PGAP1: variants seen among roughly 807,000 people sequenced by gnomAD.
PGAP1 encodes post-GPI attachment to proteins inositol deacylase 1, also known as GPI inositol-deacylase.
A neutral mutation model predicts 127.0 loss-of-function variants in PGAP1; 76 were observed. The observed-to-expected ratio is 0.60, with a 90% confidence interval of 0.50 to 0.72. PGAP1 has a LOEUF of 0.72. PGAP1 is among the 30% of genes least tolerant of loss of function. The pLI is 0.00. For synonymous variants in PGAP1, 362 were observed against 366.5 expected, an observed-to-expected ratio of 0.99 and a Z score of 0.14; for missense variants, 982 against 1,071.3, an observed-to-expected ratio of 0.92 and a Z score of 1.16.
At chr2:196,904,428 G>A (rs1702617125) in intron 4 of PGAP1, among the ~76,000 whole-genome samples, 1 of 152,102 alleles carries the variant, frequency 6.6e-6, no homozygotes, top group African/African-American at 2.4e-5. Context: ...GCAGGCTTAG[G>A]GCACATAGAC....
chr2:196,898,747 G>C (rs913877506), intron 5 of PGAP1, among the ~76,000 whole-genome samples: 1 of 152,076 alleles, frequency 6.6e-6, no homozygotes, highest in African/African-American at 2.4e-5. Flanking sequence ...AGACATTTTA[G>C]TAATTTAAAT....
chr2:196,891,020 CTTG>C (rs1702083271), intron 9 of PGAP1, 109 bp from the exon 10 acceptor site: 6 of 607,776 alleles, frequency 9.9e-6, no homozygotes, highest in Middle Eastern at 4.5e-4. Flanking sequence ...TATCATTCTT[CTTG>C]TTGTTGAGAA....
At position 196,837,638 on chromosome 2, in the gene PGAP1, A is replaced by C. The variant is rs1365991090; in HGVS notation, c.*3596T>G. Reference sequence around the variant, plus strand: ...GAGACTCTGTTTCTAAAGAAAAAACATATAGGAACTAAATAATGAACAAAA... The same window carrying C: ...GAGACTCTGTTTCTAAAGAAAAAACCTATAGGAACTAAATAATGAACAAAA... On this transcript the variant is annotated 3_prime_UTR_variant, in exon 27 of 27. Coordinates refer to ENST00000354764, the MANE Select transcript of PGAP1 (RefSeq NM_024989.4). 6.6e-6 allele frequency: 1 copy of C among 152,192 alleles called. No homozygotes were observed. Among genetic ancestry groups the C allele is most frequent in the African/African-American group, 2.4e-5 (1 of 41,450 alleles). 9.4% of individuals were successfully genotyped at this position (152,192 alleles called of 1,614,324 possible).
chr2:196,894,981 A>G (rs1702226981), intron 7 of PGAP1, among the ~76,000 whole-genome samples: 1 of 152,056 alleles, frequency 6.6e-6, no homozygotes, highest in Admixed American at 6.5e-5. Context: ...TATTCTTTGC[A>G]TTTTAGTTTC....
intron 4 of PGAP1, among the ~76,000 whole-genome samples, chr2:196,903,156 A>C (rs1702554293): frequency 6.6e-6 from 1 of 152,114 alleles, no homozygotes; most frequent in African/African-American, 2.4e-5. Flanking sequence ...TTCATGGTAT[A>C]TGCACATGTT....
intron 10 of PGAP1, among the ~76,000 whole-genome samples, chr2:196,889,325 C>T (rs1702021575): frequency 6.6e-6 from 1 of 152,114 alleles, no homozygotes; most frequent in Admixed American, 6.5e-5. Flanking sequence ...CTGGTAATTT[C>T]ACTAAAATAT....
At chr2:196,846,098 C>A in intron 22 of PGAP1, 81 bp from the exon 23 acceptor site, 1 of 785,502 alleles carries the variant, frequency 1.3e-6, no homozygotes. Context: ...CAATATAGTA[C>A]CCTCCCAGTC....
At chr2:196,890,472 T>A (rs1293698384) in intron 10 of PGAP1, among the ~76,000 whole-genome samples, 1 of 152,170 alleles carries the variant, frequency 6.6e-6, no homozygotes, top group Non-Finnish European at 1.5e-5. Flanking sequence ...ATTCCCTTTA[T>A]AAAATTCCTA....
At chr2:196,922,020 G>T in intron 1 of PGAP1, 1 of 479,498 alleles carries the variant, frequency 2.1e-6, no homozygotes, top group Non-Finnish European at 2.9e-6. Context: ...AATACTTACA[G>T]GAGCAGGACT....
intron 6 of PGAP1, among the ~76,000 whole-genome samples, chr2:196,897,401 T>C (rs1702317429): frequency 6.6e-6 from 1 of 152,188 alleles, no homozygotes; most frequent in South Asian, 2.1e-4. Flanking sequence ...TCTTCCTGGA[T>C]GTTTGCCAGA....
Position 196,922,577 on chromosome 2 carries a change from GACACACAC to G in PGAP1, c.148-2435_148-2428del, listed in dbSNP as rs59881211. ...CATACTGCTAACACACACACACACA[GACACACAC>G]ACACACACACACACACACACACACA... On this transcript the variant is annotated intron_variant, in intron 1 of 26. Transcript: ENST00000354764. The G allele has an allele frequency of 6.3e-3, 2,459 of 387,660 alleles. 2 individuals carry two copies. The highest frequency in any genetic ancestry group is 0.017 in the Middle Eastern group (14 of 822). 24.0% of individuals were successfully genotyped at this position (387,660 alleles called of 1,614,324 possible). A position where few individuals can be genotyped will look rare whatever the true frequency, so the allele number is the denominator to read the frequency against.
chr2:196,896,511 A>T (rs563769720), intron 7 of PGAP1, among the ~76,000 whole-genome samples: 3 of 152,280 alleles, frequency 2.0e-5, no homozygotes, highest in Admixed American at 2.0e-4. Flanking sequence ...TACAAAAAAA[A>T]TTATAAAATA....
At chr2:196,867,465 G>A (rs956867293) in intron 19 of PGAP1, among the ~76,000 whole-genome samples, 2 of 152,122 alleles carry the variant, frequency 1.3e-5, no homozygotes, top group South Asian at 2.1e-4. Flanking sequence ...TCACACACCA[G>A]GGCCTGTCCA....
At chr2:196,897,584 A>G (rs1032916013) in intron 6 of PGAP1, among the ~76,000 whole-genome samples, 3 of 152,158 alleles carry the variant, frequency 2.0e-5, no homozygotes, top group Non-Finnish European at 4.4e-5. Flanking sequence ...TGAGATAAAT[A>G]TATCAGGGGC....
intron 5 of PGAP1, among the ~76,000 whole-genome samples, chr2:196,901,833 T>G (rs1702501578): frequency 6.6e-6 from 1 of 152,208 alleles, no homozygotes; most frequent in Non-Finnish European, 1.5e-5. Context: ...TGTGATATAT[T>G]TGATATTCCA....
chr2:196,861,195 C>T (rs1178290979), intron 20 of PGAP1, among the ~76,000 whole-genome samples: 2 of 152,108 alleles, frequency 1.3e-5, no homozygotes, highest in Non-Finnish European at 2.9e-5. Flanking sequence ...AAAATAAAGA[C>T]TTAAATTTAA....
intron 26 of PGAP1, among the ~76,000 whole-genome samples, chr2:196,841,887 A>T (rs1438355543): frequency 2.6e-5 from 4 of 152,318 alleles, no homozygotes; most frequent in African/African-American, 9.6e-5. Context: ...ATTTCTATTT[A>T]AAAAATAGCC....
chr2:196,912,226 T>G (rs150222429), intron 4 of PGAP1, among the ~76,000 whole-genome samples: 1 of 152,208 alleles, frequency 6.6e-6, no homozygotes, highest in African/African-American at 2.4e-5. Flanking sequence ...ACTTAAAAAC[T>G]AGACATTGCT....
chr2:196,866,863 G>GA (rs1235197495), intron 19 of PGAP1, among the ~76,000 whole-genome samples: 2 of 151,860 alleles, frequency 1.3e-5, no homozygotes, highest in South Asian at 4.2e-4. Flanking sequence ...ACAAACATAT[G>GA]AAAAAAATCA....
Sources: gnomAD v4.1 joint callset for allele counts (sites outside exome capture counted in the v4.1 genomes callset) on GRCh38, gnomAD v4.1.1 for gene constraint, MANE v1.5 for transcripts, NCBI Gene and HGNC (gene_info 2026-07-23, HGNC 2026-07-21) for gene names.